ZC2HC1A: variants seen among roughly 807,000 people sequenced by gnomAD.
ZC2HC1A encodes zinc finger C2HC domain-containing protein 1A.
ZC2HC1A carries 28 observed loss-of-function variants against 40.7 expected under a neutral mutation model. The ratio of observed to expected loss-of-function variants is 0.69; its 90% CI spans 0.51 to 0.94. ZC2HC1A has a LOEUF of 0.94. ZC2HC1A is among the 40% of genes least tolerant of loss of function. The pLI, the probability that ZC2HC1A is intolerant of heterozygous loss-of-function variation, is 0.00. For synonymous variants in ZC2HC1A, 129 were observed against 129.2 expected (o/e 1.00, Z 0.01); for missense variants, 389 against 386.3 (o/e 1.01, Z -0.06).
intron 3 of ZC2HC1A, among the ~76,000 whole-genome samples, chr8:78,679,692 T>G (rs1271791651): frequency 6.6e-6 from 1 of 152,136 alleles, no homozygotes; most frequent in East Asian, 1.9e-4. Context: ...TTGAATAGGT[T>G]TTTTAAACAG....
chr8:78,712,372 A>G (rs1478639404), intron 7 of ZC2HC1A, among the ~76,000 whole-genome samples: 1 of 152,114 alleles, frequency 6.6e-6, no homozygotes, highest in Non-Finnish European at 1.5e-5. Context: ...GTCACATTTA[A>G]TAATTATTTT....
intron 5 of ZC2HC1A, among the ~76,000 whole-genome samples, chr8:78,690,496 C>G (rs764265427): frequency 3.3e-5 from 5 of 150,920 alleles, no homozygotes; most frequent in Non-Finnish European, 5.9e-5. Flanking sequence ...GGAGGAGGAG[C>G]TTGCAGTGAG....
chr8:78,681,796 A>G (rs1809791609), intron 3 of ZC2HC1A, among the ~76,000 whole-genome samples: 1 of 151,808 alleles, frequency 6.6e-6, no homozygotes, highest in Admixed American at 6.6e-5. Context: ...TAATTATTAA[A>G]TTTATTGGCA....
In ZC2HC1A at chr8:78,689,275, A is replaced by G. The variant is rs1336884582; in HGVS notation, c.406A>G (p.Arg136Gly). 1 of 1,600,038 alleles carries G rather than the reference A, an allele frequency of 6.2e-7. No homozygotes were observed. Among genetic ancestry groups the G allele is most frequent in the Admixed American group, 1.7e-5 (1 of 58,414 alleles). ...GAGATTCAATGAAAATGCAGCTGAT[A>G]GACATATAAATTTCTGTAAAGAACA... The part of the protein sequence containing the change: ...QRRFNENAAD[R>G]HINFCKEQAA... The change falls in exon 5 of 9, where the codon AGA becomes GGA. Residue 136 changes from arginine (R) to glycine (G), a missense_variant. Physicochemically the swap from Arg to Gly is moderately radical, Grantham distance 125 (BLOSUM62 -2). Coordinates refer to ENST00000263849, the MANE Select transcript of ZC2HC1A (RefSeq NM_016010.3).
At chr8:78,714,405 T>A (rs1011069874) in intron 7 of ZC2HC1A, among the ~76,000 whole-genome samples, 4 of 152,176 alleles carry the variant, frequency 2.6e-5, no homozygotes, top group Non-Finnish European at 5.9e-5. Context: ...ACAGTAGTAA[T>A]AGTATTAGCA....
At chr8:78,671,035 A>G (rs1223573786) in intron 1 of ZC2HC1A, among the ~76,000 whole-genome samples, 2 of 152,234 alleles carry the variant, frequency 1.3e-5, no homozygotes, top group African/African-American at 4.8e-5. Context: ...GAACGGTGAT[A>G]GAATATAAGA....
intron 3 of ZC2HC1A, among the ~76,000 whole-genome samples, chr8:78,680,091 A>G (rs772442493): frequency 6.6e-6 from 1 of 152,122 alleles, no homozygotes; most frequent in Non-Finnish European, 1.5e-5. Flanking sequence ...TCACTGTAAC[A>G]TGGTGATAGT....
intron 4 of ZC2HC1A, among the ~76,000 whole-genome samples, 194 bp from the exon 5 acceptor site, chr8:78,689,028 A>T (rs1456257408): frequency 8.6e-6 from 1 of 115,784 alleles, no homozygotes; most frequent in Non-Finnish European, 1.9e-5. Context: ...GTCATGTACC[A>T]GCAGACTTTT....
intron 7 of ZC2HC1A, among the ~76,000 whole-genome samples, chr8:78,713,458 A>G (rs1046332640): frequency 6.0e-5 from 9 of 151,118 alleles, no homozygotes; most frequent in African/African-American, 2.2e-4. Context: ...AGACGATTCT[A>G]TAGCCAAAAA....
intron 3 of ZC2HC1A, 101 bp downstream of exon 3, chr8:78,678,780 C>T: frequency 1.4e-6 from 1 of 697,194 alleles, no homozygotes; most frequent in East Asian, 2.9e-5. Context: ...ACACAATTAT[C>T]TGCTACATTA....
intron 7 of ZC2HC1A, 59 bp from the exon 8 acceptor site, chr8:78,715,162 T>G: frequency 6.8e-7 from 1 of 1,464,746 alleles, no homozygotes; most frequent in Non-Finnish European, 9.4e-7. Flanking sequence ...GAATAGGTAA[T>G]TTGAGAAATA....
intron 7 of ZC2HC1A, among the ~76,000 whole-genome samples, chr8:78,704,734 G>C (rs182903600): frequency 6.6e-6 from 1 of 152,122 alleles, no homozygotes; most frequent in African/African-American, 2.4e-5. Flanking sequence ...CAGATATACC[G>C]GTCAGTCATA....
At chr8:78,711,682 AT>A (rs558105997) in intron 7 of ZC2HC1A, among the ~76,000 whole-genome samples, 12 of 150,166 alleles carry the variant, frequency 8.0e-5, no homozygotes, top group South Asian at 2.1e-4. Context: ...TAGCTTCATG[AT>A]TTTTTTTTTG....
At chr8:78,692,416 T>A (rs1208790487) in intron 5 of ZC2HC1A, among the ~76,000 whole-genome samples, 1 of 152,254 alleles carries the variant, frequency 6.6e-6, no homozygotes, top group Non-Finnish European at 1.5e-5. Flanking sequence ...GCAGTTAGTT[T>A]CTGTTGACTT....
intron 2 of ZC2HC1A, 53 bp from the exon 3 acceptor site, chr8:78,678,510 T>C (rs1401173269): frequency 1.4e-6 from 2 of 1,430,754 alleles, no homozygotes; most frequent in African/African-American, 2.9e-5. Context: ...AGTTCTGTAG[T>C]CTTACCTTCT....
Position 78,678,657 on chromosome 8 carries a change from C to G in ZC2HC1A, c.188C>G (p.Thr63Arg), listed in dbSNP as rs758360240. 1.1e-5 allele frequency: 17 copies of G among 1,608,786 alleles called. No homozygotes were observed. In the South Asian group the frequency reaches 1.6e-4, roughly 15 times the overall value. ...AGAGCTGAAGGAACTGATATTCCAA[C>G]AGTAAAACCTCTCAAACCGAGGGTA... is the stretch of plus-strand genomic sequence containing the variant. ...RQRAEGTDIP[T>R]VKPLKPRPEP... Residue 63 changes from threonine (T) to arginine (R), a missense_variant, in exon 3 of 9, where the codon ACA becomes AGA. Physicochemically the swap from Thr to Arg is moderately conservative, Grantham distance 71 (BLOSUM62 -1). Coordinates refer to ENST00000263849, the MANE Select transcript of ZC2HC1A (RefSeq NM_016010.3).
At chr8:78,685,452 A>C (rs1809939142) in intron 3 of ZC2HC1A, among the ~76,000 whole-genome samples, 1 of 152,356 alleles carries the variant, frequency 6.6e-6, no homozygotes, top group African/African-American at 2.4e-5. Context: ...TCAGTAAATT[A>C]AACTGTAATT....
rs978712725 is a variant in ZC2HC1A at position 78,703,616 on chromosome 8, GT to G, written c.704+5107del. 2.0e-4 allele frequency among the ~76,000 whole-genome samples: 28 copies of G among 139,786 alleles called. No individual in the cohort carries two copies. The Admixed American group carries it at 2.1e-3, about 10-fold the overall frequency. 91.7% of individuals were successfully genotyped at this position (139,786 alleles called of 152,430 possible). A position where few individuals can be genotyped will look rare whatever the true frequency, so the allele number is the denominator to read the frequency against. ...AGGAGTACAACCCCTGCTTTTTTCT[GT>G]TTTCCATTTGCTTGGTAAATTTTTC... is the stretch of plus-strand genomic sequence containing the variant. On this transcript the variant is annotated intron_variant, in intron 7 of 8. Coordinates refer to ENST00000263849, the MANE Select transcript of ZC2HC1A (RefSeq NM_016010.3).
intron 7 of ZC2HC1A, among the ~76,000 whole-genome samples, chr8:78,713,275 T>G (rs978690509): frequency 1.3e-5 from 2 of 152,104 alleles, no homozygotes; most frequent in African/African-American, 4.8e-5. Context: ...CCATTCTAGA[T>G]GTTACTAAAA....
Sources: allele counts gnomAD v4.1 joint callset (sites outside exome capture counted in the v4.1 genomes callset), GRCh38; gene constraint gnomAD v4.1.1; transcripts MANE v1.5; gene names NCBI Gene and HGNC (gene_info 2026-07-23, HGNC 2026-07-21).